MDGA2: variants seen among roughly 807,000 people sequenced by gnomAD.
MDGA2 encodes the protein MAM domain containing glycosylphosphatidylinositol anchor 2, also known as MAM domain-containing glycosylphosphatidylinositol anchor protein 2.
MDGA2 carries 40 observed loss-of-function variants against 117.8 expected under a neutral mutation model. The observed-to-expected ratio is 0.34, with a 90% confidence interval of 0.26 to 0.44. The LOEUF is 0.44. Ranked by LOEUF, MDGA2 falls within the 20% of genes least tolerant of loss-of-function variation. The pLI, the probability that MDGA2 is intolerant of heterozygous loss-of-function variation, is 1.00. For missense variants in MDGA2, 1,123 were observed against 1,250.6 expected, an observed-to-expected ratio of 0.90 and a Z score of 1.54; for synonymous variants, 452 against 439.0, an observed-to-expected ratio of 1.03 and a Z score of -0.37.
intron 7 of MDGA2, among the ~76,000 whole-genome samples, chr14:47,041,409 A>G (rs1889063459): frequency 6.6e-6 from 1 of 152,144 alleles, no homozygotes; most frequent in Admixed American, 6.6e-5. Context: ...TGAAATGTCT[A>G]TACCATGTAA....
chr14:47,024,178 ATATC>A (rs1395216886), intron 8 of MDGA2, among the ~76,000 whole-genome samples: 3 of 151,966 alleles, frequency 2.0e-5, no homozygotes, highest in African/African-American at 4.8e-5. Flanking sequence ...ATCTGCCTCT[ATATC>A]TATGTATATC....
intron 11 of MDGA2, 65 bp downstream of exon 11, chr14:46,881,979 A>G: frequency 2.5e-6 from 3 of 1,186,070 alleles, no homozygotes; most frequent in Non-Finnish European, 3.3e-6. Context: ...GGTAGATAGC[A>G]GCAACCAAAA....
rs574110029 is a variant in MDGA2 at position 46,874,343 on chromosome 14, A to T, written c.2438-143T>A. 1.4e-4 allele frequency: 51 copies of T among 374,144 alleles called. No individual in the cohort carries two copies. In the East Asian group the frequency reaches 2.1e-3, roughly 15 times the overall value. The allele number at this position is 374,144 out of a possible 1,614,324, so 23.2% of individuals were successfully genotyped here. A position where few individuals can be genotyped will look rare whatever the true frequency, so the allele number is the denominator to read the frequency against. On this transcript the variant is annotated intron_variant, in intron 12 of 16. Coordinates refer to ENST00000399232, the MANE Select transcript of MDGA2 (RefSeq NM_001113498.3). The stretch of plus-strand genomic sequence containing the variant: ...CATGAGAGCCATAATGGTGCAGAAG[A>T]TTACAACTAAACATAAAACCAATCT...
chr14:47,649,017 C>T (rs908739212), intron 1 of MDGA2, among the ~76,000 whole-genome samples: 7 of 151,902 alleles, frequency 4.6e-5, no homozygotes, highest in East Asian at 1.9e-4. Flanking sequence ...ATGTCTAGTA[C>T]CTAGAGGAAA....
At chr14:47,135,271 G>C (rs1327094648) in intron 4 of MDGA2, among the ~76,000 whole-genome samples, 1 of 151,934 alleles carries the variant, frequency 6.6e-6, no homozygotes, top group African/African-American at 2.4e-5. Context: ...GAATATTCTA[G>C]TTACTGAAGT....
At chr14:47,099,826 A>G (rs1452959428) in intron 5 of MDGA2, among the ~76,000 whole-genome samples, 1 of 152,050 alleles carries the variant, frequency 6.6e-6, no homozygotes, top group Non-Finnish European at 1.5e-5. Flanking sequence ...AGATAATTTA[A>G]CATGCGTAAT....
intron 9 of MDGA2, among the ~76,000 whole-genome samples, chr14:46,946,478 G>T (rs1885175918): frequency 6.6e-6 from 1 of 152,016 alleles, no homozygotes; most frequent in Admixed American, 6.6e-5. Context: ...CACTTGAGTT[G>T]TGTTGCCAAT....
intron 1 of MDGA2, among the ~76,000 whole-genome samples, chr14:47,521,966 C>T (rs1894876900): frequency 6.6e-6 from 1 of 152,048 alleles, no homozygotes; most frequent in Non-Finnish European, 1.5e-5. Flanking sequence ...ACCACCGCAC[C>T]CAGCCCATAG....
At chr14:47,349,000 C>G (rs1292024933) in intron 1 of MDGA2, among the ~76,000 whole-genome samples, 1 of 152,122 alleles carries the variant, frequency 6.6e-6, no homozygotes, top group Non-Finnish European at 1.5e-5. Context: ...TGAAATCAAT[C>G]TTTTTGTTTA....
At chr14:47,536,828 T>G (rs1275783884) in intron 1 of MDGA2, among the ~76,000 whole-genome samples, 1 of 152,218 alleles carries the variant, frequency 6.6e-6, no homozygotes, top group African/African-American at 2.4e-5. Context: ...GGAAATGGGT[T>G]AAATAACCAA....
intron 1 of MDGA2, among the ~76,000 whole-genome samples, chr14:47,472,433 C>T (rs1893747343): frequency 6.6e-6 from 1 of 152,130 alleles, no homozygotes; most frequent in African/African-American, 2.4e-5. Context: ...AATTATAACA[C>T]AATGGCATTA....
At chr14:46,936,949 T>G (rs887010815) in intron 9 of MDGA2, among the ~76,000 whole-genome samples, 6 of 151,790 alleles carry the variant, frequency 4.0e-5, no homozygotes, top group Admixed American at 3.9e-4. Flanking sequence ...GCCAGAGCAA[T>G]TAGGCAAGAG....
intron 1 of MDGA2, among the ~76,000 whole-genome samples, chr14:47,311,705 T>C (rs775711070): frequency 1.3e-5 from 2 of 152,168 alleles, no homozygotes; most frequent in Admixed American, 6.6e-5. Flanking sequence ...TGATGATCTA[T>C]AGTCCTCTCT....
chr14:47,481,381 G>A (rs926620580), intron 1 of MDGA2, among the ~76,000 whole-genome samples: 3 of 151,962 alleles, frequency 2.0e-5, no homozygotes, highest in African/African-American at 7.2e-5. Context: ...AAATGATATG[G>A]TCTGCTCGTG....
chr14:47,048,291 TA>T (rs1889334706), intron 7 of MDGA2, among the ~76,000 whole-genome samples: 1 of 151,986 alleles, frequency 6.6e-6, no homozygotes, highest in Non-Finnish European at 1.5e-5. Context: ...AATTCTAAAT[TA>T]AAAGGAAGAT....
At chr14:47,212,830 A>T (rs377725686) in intron 3 of MDGA2, among the ~76,000 whole-genome samples, 38 of 152,172 alleles carry the variant, frequency 2.5e-4, no homozygotes, top group African/African-American at 8.9e-4. Flanking sequence ...TATTTTGTAT[A>T]CTCAATTTTG....
chr14:47,119,187 C>CG, intron 5 of MDGA2, among the ~76,000 whole-genome samples: 1 of 68,344 alleles, frequency 1.5e-5, no homozygotes, highest in East Asian at 3.4e-4. Flanking sequence ...CCCCCCCCCC[C>CG]ACCCCGTAGC....
intron 1 of MDGA2, among the ~76,000 whole-genome samples, chr14:47,457,733 G>C (rs1222296197): frequency 6.6e-6 from 1 of 150,414 alleles, no homozygotes; most frequent in Non-Finnish European, 1.5e-5. Flanking sequence ...CTTAGCCTGA[G>C]TCCGTCTATG....
intron 1 of MDGA2, among the ~76,000 whole-genome samples, chr14:47,629,090 C>T (rs1897206950): frequency 2.0e-5 from 3 of 152,162 alleles, no homozygotes. Context: ...GCATGCTAAC[C>T]TCCATCTCAG....
Sources: allele counts gnomAD v4.1 joint callset (sites outside exome capture counted in the v4.1 genomes callset), GRCh38; gene constraint gnomAD v4.1.1; transcripts MANE v1.5; gene names NCBI Gene and HGNC (gene_info 2026-07-23, HGNC 2026-07-21).